The following ADD3 variants were observed in gnomAD, a reference collection of about 807,000 sequenced individuals.
The protein encoded by ADD3 is adducin 3.
ADD3 carries 25 observed loss-of-function variants against 80.2 expected under a neutral mutation model. That is an observed-to-expected ratio of 0.31 (90% confidence interval 0.23 to 0.44). The LOEUF is 0.44. ADD3 is among the 20% of genes least tolerant of loss of function. ADD3 has a pLI of 1.00. For synonymous variants in ADD3, 284 were observed against 289.6 expected, an observed-to-expected ratio of 0.98 and a Z score of 0.20; for missense variants, 829 against 847.5, an observed-to-expected ratio of 0.98 and a Z score of 0.27.
At chr10:110,073,477 G>T (rs1469940882) in intron 1 of ADD3, among the ~76,000 whole-genome samples, 4 of 152,144 alleles carry the variant, frequency 2.6e-5, no homozygotes. Flanking sequence ...CATCATGACA[G>T]TACTACCGAT....
At chr10:110,110,684 C>T (rs1048576345) in intron 2 of ADD3, among the ~76,000 whole-genome samples, 1 of 151,958 alleles carries the variant, frequency 6.6e-6, no homozygotes, top group Non-Finnish European at 1.5e-5. Context: ...TCACCATGAG[C>T]TCGTATGCCA....
At chr10:110,072,317 G>A (rs955435158) in intron 1 of ADD3, among the ~76,000 whole-genome samples, 65 of 152,036 alleles carry the variant, frequency 4.3e-4, no homozygotes, top group African/African-American at 1.5e-3. Context: ...CCCCAGCCTC[G>A]GCCTCCCAAA....
chr10:110,123,902 C>T (rs967335748), intron 9 of ADD3, 115 bp from the exon 10 acceptor site: 2 of 1,116,018 alleles, frequency 1.8e-6, no homozygotes, highest in Non-Finnish European at 2.5e-6. Context: ...ATGCCTTTTT[C>T]TTTGTTTTTT....
At chr10:110,111,925 A>G (rs1459577114) in intron 2 of ADD3, among the ~76,000 whole-genome samples, 1 of 151,456 alleles carries the variant, frequency 6.6e-6, no homozygotes, top group Admixed American at 6.6e-5. Flanking sequence ...AAAAAAAAAG[A>G]AAAAAAAATT....
At position 110,124,183 on chromosome 10, in the gene ADD3, C is replaced by T; in HGVS notation, c.1310C>T (p.Thr437Ile). The part of the protein sequence containing the change: ...YMAQRQQREK[T>I]RWLNSPNTYM... ...GCACAGAGGCAACAGCGTGAAAAAA[C>T]AAGATGGCTGAACTCACCAAATACT... The change falls in exon 10 of 15, where the codon ACA (threonine) becomes ATA (isoleucine). Residue 437 changes from threonine to isoleucine, a missense_variant. Physicochemically the swap from Thr to Ile is moderately conservative, Grantham distance 89. Coordinates refer to ENST00000356080, the MANE Select transcript of ADD3 (RefSeq NM_016824.5). 3 of 1,614,174 alleles carry T rather than the reference C, an allele frequency of 1.9e-6. No homozygotes were observed. The highest frequency in any genetic ancestry group is 2.5e-6 in the Non-Finnish European group (3 of 1,180,016).
chr10:110,041,616 C>T (rs185764462), intron 1 of ADD3, among the ~76,000 whole-genome samples: 4 of 152,280 alleles, frequency 2.6e-5, no homozygotes, highest in African/African-American at 7.2e-5. Context: ...TTTCCACAGA[C>T]GTGCTTAGAA....
intron 1 of ADD3, among the ~76,000 whole-genome samples, chr10:110,028,732 A>G (rs1371339545): frequency 6.6e-6 from 1 of 152,194 alleles, no homozygotes; most frequent in Non-Finnish European, 1.5e-5. Flanking sequence ...GCATTGTTTA[A>G]ATAGAAAGAA....
intron 1 of ADD3, among the ~76,000 whole-genome samples, chr10:110,010,466 C>T (rs1456042618): frequency 6.6e-6 from 1 of 152,166 alleles, no homozygotes; most frequent in East Asian, 1.9e-4. Context: ...AGAACTTTAG[C>T]TTAACCGAGT....
chr10:110,011,078 T>G (rs2132954727), intron 1 of ADD3, among the ~76,000 whole-genome samples: 1 of 145,494 alleles, frequency 6.9e-6, no homozygotes, highest in Non-Finnish European at 1.5e-5. Flanking sequence ...CTAAAGATAC[T>G]AAAGTCTTTT....
chr10:110,117,273 T>C (rs1219093442), intron 4 of ADD3, 69 bp from the exon 5 acceptor site: 2 of 774,200 alleles, frequency 2.6e-6, no homozygotes, highest in Non-Finnish European at 4.4e-6. Flanking sequence ...TGTAAATATA[T>C]TTGTAGTCAT....
intron 3 of ADD3, among the ~76,000 whole-genome samples, chr10:110,113,148 T>C (rs1278960112): frequency 6.6e-6 from 1 of 152,192 alleles, no homozygotes; most frequent in Non-Finnish European, 1.5e-5. Flanking sequence ...ACTTGTGGCA[T>C]GTGTCAGTAG....
intron 1 of ADD3, among the ~76,000 whole-genome samples, chr10:110,014,445 C>T (rs543787801): frequency 2.0e-5 from 3 of 152,294 alleles, no homozygotes; most frequent in South Asian, 4.2e-4. Context: ...ATGCATTGTT[C>T]GTATTCCTTA....
At chr10:110,007,551 C>T (rs1851746316), upstream of ADD3, among the ~76,000 whole-genome samples, 1 of 152,196 alleles carries the variant, frequency 6.6e-6, no homozygotes, top group Admixed American at 6.5e-5. Flanking sequence ...GGTCGGGTTT[C>T]TATCGGGGTC....
At chr10:110,057,576 G>A (rs890993149) in intron 1 of ADD3, among the ~76,000 whole-genome samples, 3 of 152,076 alleles carry the variant, frequency 2.0e-5, no homozygotes, top group African/African-American at 7.2e-5. Context: ...GATTTAAATG[G>A]TGTCGGTGCA....
chr10:110,124,900 C>A (rs1851954184), intron 10 of ADD3, among the ~76,000 whole-genome samples: 1 of 152,134 alleles, frequency 6.6e-6, no homozygotes, highest in African/African-American at 2.4e-5. Context: ...AATTTGTAAA[C>A]TTTATTAAAA....
At chr10:110,018,386 G>A (rs1564844286) in intron 1 of ADD3, among the ~76,000 whole-genome samples, 1 of 152,032 alleles carries the variant, frequency 6.6e-6, no homozygotes, top group Non-Finnish European at 1.5e-5. Flanking sequence ...AAATTAGCCA[G>A]GTATGGTGGC....
chr10:110,082,730 G>A (rs11194975), intron 1 of ADD3, among the ~76,000 whole-genome samples: 26,039 of 152,170 alleles, frequency 0.17, 3,069 homozygotes, highest in Admixed American at 0.39. Flanking sequence ...GGTAAATATA[G>A]ATTTTTAGAA....
At chr10:110,037,999 G>T (rs1236013279) in intron 1 of ADD3, among the ~76,000 whole-genome samples, 6 of 150,816 alleles carry the variant, frequency 4.0e-5, no homozygotes, top group Admixed American at 3.3e-4. Context: ...AACCCGGGAG[G>T]TGGAGGTTGT....
intron 2 of ADD3, among the ~76,000 whole-genome samples, chr10:110,111,426 T>C (rs1013540736): frequency 6.6e-6 from 1 of 152,112 alleles, no homozygotes; most frequent in Non-Finnish European, 1.5e-5. Flanking sequence ...ATTTGTGATA[T>C]GAAGGATTGG....
Sources: allele counts gnomAD v4.1 joint callset (sites outside exome capture counted in the v4.1 genomes callset), GRCh38; gene constraint gnomAD v4.1.1; transcripts MANE v1.5; gene names NCBI Gene and HGNC (gene_info 2026-07-23, HGNC 2026-07-21).